The following LARS1 variants were observed in gnomAD, a reference collection of about 807,000 sequenced individuals.
The protein encoded by LARS1 is leucine--tRNA ligase, cytoplasmic.
LARS1 carries 100 observed loss-of-function variants against 162.8 expected under a neutral mutation model. The ratio of observed to expected loss-of-function variants is 0.61; its 90% confidence interval spans 0.52 to 0.73. The LOEUF is 0.73. Ranked by LOEUF, LARS1 falls within the 30% of genes least tolerant of loss-of-function variation. The pLI is 0.00. For missense variants in LARS1, 1,258 were observed against 1,408.9 expected (o/e 0.89, Z 1.71); for synonymous variants, 457 against 462.8 (o/e 0.99, Z 0.16).
At chr5:146,168,054 T>C in intron 5 of LARS1, 74 bp downstream of exon 5, 2 of 1,245,750 alleles carry the variant, frequency 1.6e-6, no homozygotes, top group East Asian at 2.3e-5. Context: ...GGCACTGTGC[T>C]AGTACTGGGA....
intron 5 of LARS1, 58 bp from the exon 6 acceptor site, chr5:146,164,529 T>C (rs1217905839): frequency 6.7e-7 from 1 of 1,496,874 alleles, no homozygotes. Flanking sequence ...TCCAGGAAAA[T>C]GACCCAAGAT....
At chr5:146,140,012 G>A (rs755497699) in intron 21 of LARS1, among the ~76,000 whole-genome samples, 192 bp downstream of exon 21, 14 of 149,478 alleles carry the variant, frequency 9.4e-5, no homozygotes, top group Non-Finnish European at 1.5e-4. Flanking sequence ...TCACTATATC[G>A]TCCAGGCTGG....
intron 1 of LARS1, 76 bp downstream of exon 1, chr5:146,182,412 A>ACAG (rs1754912677): frequency 1.3e-6 from 2 of 1,578,458 alleles, no homozygotes; most frequent in Non-Finnish European, 1.7e-6. Flanking sequence ...TCCCTTCAGG[A>ACAG]CAGCACATGG....
At chr5:146,158,891 T>C (rs528698613) in intron 8 of LARS1, among the ~76,000 whole-genome samples, 1 of 152,112 alleles carries the variant, frequency 6.6e-6, no homozygotes, top group Non-Finnish European at 1.5e-5. Flanking sequence ...GGTCAGGAGA[T>C]CGAGACCATC....
Position 146,113,992 on chromosome 5 carries a change from G to T in LARS1, c.*114C>A. 1.3e-6 allele frequency: 1 copy of T among 778,944 alleles called. No individual in the cohort carries two copies. Among genetic ancestry groups the T allele is most frequent in the Non-Finnish European group, 2.2e-6 (1 of 452,364 alleles). The allele number at this position is 778,944 out of a possible 1,614,324, so 48.3% of individuals were successfully genotyped here. Reference sequence around the variant, plus strand: ...GAATACATGCAGAATTGGATGGTTAGAAATGAAATCAATCTATTTAGGTCC... The same window carrying T: ...GAATACATGCAGAATTGGATGGTTATAAATGAAATCAATCTATTTAGGTCC... On this transcript the variant is annotated 3_prime_UTR_variant, in exon 32 of 32. Coordinates refer to ENST00000394434, the MANE Select transcript of LARS1 (RefSeq NM_020117.11).
Position 146,182,511 on chromosome 5 carries a change from T to C in LARS1, c.-18A>G. The C allele has an allele frequency of 1.2e-6, 2 of 1,613,958 alleles. No individual in the cohort carries two copies. Among genetic ancestry groups the C allele is most frequent in the South Asian group, 1.1e-5 (1 of 91,074 alleles). ...ACCGCCATTGCACCGCCCAGCCGAC[T>C]GTGCAAATCCACGACAATGACCCTG... On this transcript the variant is annotated 5_prime_UTR_variant, in exon 1 of 32. Transcript: ENST00000394434.
Position 146,120,502 on chromosome 5 carries a change from G to C in LARS1, c.3194C>G (p.Pro1065Arg), listed in dbSNP as rs1165618620. The C allele has an allele frequency of 1.9e-6, 3 of 1,608,390 alleles. No individual in the cohort carries two copies. The African/African-American group carries it at 4.0e-5, about 22-fold the overall frequency. ...GKPLNVFRIEPGVSVSLVNPQ... is the reference protein window; with the variant it reads ...GKPLNVFRIERGVSVSLVNPQ... ...ATTCACCAGAGAAACGGACACACCA[G>C]GCTAGGAAAACAACAAGAAAATGAT... is the stretch of plus-strand genomic sequence containing the variant. The change falls in exon 31 of 32, where the codon CCT (proline) becomes CGT (arginine). Residue 1065 changes from proline (P) to arginine (R), a missense_variant and splice_region_variant. Physicochemically the swap from Pro to Arg is moderately radical, Grantham distance 103. Coordinates refer to ENST00000394434, the MANE Select transcript of LARS1 (RefSeq NM_020117.11).
At chr5:146,159,858 T>TA (rs1753699764) in intron 7 of LARS1, among the ~76,000 whole-genome samples, 2 of 152,202 alleles carry the variant, frequency 1.3e-5, no homozygotes, top group Admixed American at 1.3e-4. Context: ...GGAAGAATCT[T>TA]AATTTGTAGA....
At chr5:146,134,725 G>A (rs1487720893) in intron 22 of LARS1, among the ~76,000 whole-genome samples, 5 of 152,228 alleles carry the variant, frequency 3.3e-5, no homozygotes, top group Non-Finnish European at 7.3e-5. Context: ...AAGGAGGGTG[G>A]ATCACTTGAG....
rs960540073 is a variant in LARS1 at position 146,144,469 on chromosome 5, T to C, written c.1655+3A>G. The C allele has an allele frequency of 4.7e-5, 76 of 1,612,570 alleles. No homozygotes were observed. Among genetic ancestry groups the C allele is most frequent in the Non-Finnish European group, 6.3e-5 (74 of 1,179,546 alleles). On this transcript the variant is annotated splice_donor_region_variant and intron_variant, in intron 17 of 31. Transcript: ENST00000394434. The stretch of plus-strand genomic sequence containing the variant: ...CCTCCTTCATCACTTTCTCCCATCT[T>C]ACGTTTCCAGGTTCTTCAAGCACTG...
At chr5:146,141,137 T>C (rs907188818) in intron 20 of LARS1, among the ~76,000 whole-genome samples, 1 of 152,192 alleles carries the variant, frequency 6.6e-6, no homozygotes, top group Non-Finnish European at 1.5e-5. Context: ...CATTCATTCA[T>C]TCTAGCAATG....
chr5:146,174,485 C>CATATATATATATATCCATAT, intron 2 of LARS1, among the ~76,000 whole-genome samples: 1 of 25,718 alleles, frequency 3.9e-5, no homozygotes, highest in African/African-American at 1.9e-4. Flanking sequence ...TATATATATC[C>CATATATATATATATCCATAT]ATATATATAT....
chr5:146,134,142 C>A (rs956459697), intron 22 of LARS1, among the ~76,000 whole-genome samples: 1 of 152,180 alleles, frequency 6.6e-6, no homozygotes, highest in Non-Finnish European at 1.5e-5. Context: ...CCACACCCAG[C>A]TGTTTAGTTT....
chr5:146,150,982 C>CAA (rs1554129904), intron 14 of LARS1, among the ~76,000 whole-genome samples: 1 of 151,044 alleles, frequency 6.6e-6, no homozygotes, highest in Non-Finnish European at 1.5e-5. Flanking sequence ...CACACACACA[C>CAA]AAATGTAAAT....
intron 6 of LARS1, among the ~76,000 whole-genome samples, chr5:146,161,457 G>T (rs751048959): frequency 3.3e-5 from 5 of 152,198 alleles, no homozygotes; most frequent in Non-Finnish European, 7.3e-5. Context: ...GGCCGGGCAT[G>T]GTGGCTCATG....
At chr5:146,154,576 G>A (rs1437991973) in intron 10 of LARS1, among the ~76,000 whole-genome samples, 7 of 152,196 alleles carry the variant, frequency 4.6e-5, no homozygotes, top group East Asian at 3.9e-4. Flanking sequence ...TTAGGAGTTC[G>A]CGACCAGCCT....
chr5:146,130,211 T>C lies in LARS1; in HGVS notation c.2488-53A>G, dbSNP rs1356364274. 3.2e-6 allele frequency: 5 copies of C among 1,560,274 alleles called. No homozygotes were observed. In the African/African-American group the frequency reaches 5.5e-5, roughly 17 times the overall value. Reference sequence around the variant, plus strand: ...TCCCTCACCTTCTTTAAAATAAAAATAAAGGGAAAAATTGCAGTATCTTGG... The same window carrying C: ...TCCCTCACCTTCTTTAAAATAAAAACAAAGGGAAAAATTGCAGTATCTTGG... On this transcript the variant is annotated intron_variant, in intron 24 of 31. Transcript: ENST00000394434.
At chr5:146,144,398 T>G (rs759145913) in intron 17 of LARS1, 49 bp from the exon 18 acceptor site, 21 of 1,596,930 alleles carry the variant, frequency 1.3e-5, no homozygotes, top group Non-Finnish European at 1.8e-5. Context: ...TCACTTTTTT[T>G]GTTGCATTTC....
chr5:146,147,747 A>G (rs528130832), intron 15 of LARS1, among the ~76,000 whole-genome samples: 22 of 152,176 alleles, frequency 1.4e-4, no homozygotes, highest in Non-Finnish European at 3.1e-4. Context: ...ATAAGAAAAA[A>G]ATAAGATAAT....
Sources: allele counts gnomAD v4.1 joint callset (sites outside exome capture counted in the v4.1 genomes callset), GRCh38; gene constraint gnomAD v4.1.1; transcripts MANE v1.5; gene names NCBI Gene and HGNC (gene_info 2026-07-23, HGNC 2026-07-21).